The following NCOR1 variants were observed in gnomAD, a reference collection of about 807,000 sequenced individuals.
NCOR1 encodes the protein nuclear receptor corepressor 1, also known as protein phosphatase 1, regulatory subunit 109.
In NCOR1, 63 loss-of-function variants were observed where a neutral mutation model predicts 288.1. That is an observed-to-expected ratio of 0.22 (90% confidence interval 0.18 to 0.27). NCOR1 has a LOEUF of 0.27. NCOR1 is among the 10% of genes least tolerant of loss of function. The probability of loss-of-function intolerance (pLI) is 1.00; values close to 1 mark genes in which losing one functional copy is unlikely to be tolerated. For missense variants in NCOR1, 2,397 were observed against 3,019.2 expected, an observed-to-expected ratio of 0.79 and a Z score of 4.83; for synonymous variants, 1,007 against 1,065.9, an observed-to-expected ratio of 0.94 and a Z score of 1.08.
chr17:16,184,917 G>A (rs2086285211), intron 3 of NCOR1, among the ~76,000 whole-genome samples: 1 of 150,184 alleles, frequency 6.7e-6, no homozygotes, highest in East Asian at 2.0e-4. Flanking sequence ...TCCACAACAT[G>A]GATAAGCCTG....
intron 40 of NCOR1, among the ~76,000 whole-genome samples, chr17:16,050,044 C>T (rs1185442867): frequency 1.3e-5 from 2 of 152,072 alleles, no homozygotes; most frequent in Non-Finnish European, 2.9e-5. Context: ...GCATGCGTCA[C>T]CATGCCCAGC....
chr17:16,161,537 C>T (rs1010797284), intron 5 of NCOR1, among the ~76,000 whole-genome samples: 2 of 152,188 alleles, frequency 1.3e-5, no homozygotes, highest in African/African-American at 2.4e-5. Context: ...CTCAGGTGAT[C>T]TGGCCTGCCT....
intron 41 of NCOR1, among the ~76,000 whole-genome samples, chr17:16,048,459 G>A (rs2152469702): frequency 6.6e-6 from 1 of 152,156 alleles, no homozygotes; most frequent in African/African-American, 2.4e-5. Flanking sequence ...AATTAATAGG[G>A]TTGGGGTCAC....
chr17:16,083,709 G>A (rs2063766262), intron 23 of NCOR1, among the ~76,000 whole-genome samples: 2 of 152,146 alleles, frequency 1.3e-5, no homozygotes, highest in Non-Finnish European at 1.5e-5. Flanking sequence ...TGCTGAGCAG[G>A]TGAATCGTAA....
intron 22 of NCOR1, among the ~76,000 whole-genome samples, chr17:16,090,498 A>G (rs2065004357): frequency 6.6e-6 from 1 of 152,194 alleles, no homozygotes; most frequent in Non-Finnish European, 1.5e-5. Context: ...TCATTCATTT[A>G]TAATTCATTC....
intron 4 of NCOR1, among the ~76,000 whole-genome samples, chr17:16,165,742 T>C (rs1266986433): frequency 6.6e-6 from 1 of 152,202 alleles, no homozygotes; most frequent in East Asian, 1.9e-4. Flanking sequence ...TAACATTTCC[T>C]TAGCCAAAAA....
At chr17:16,183,489 C>A (rs2153515445) in intron 3 of NCOR1, among the ~76,000 whole-genome samples, 1 of 151,908 alleles carries the variant, frequency 6.6e-6, no homozygotes, top group Middle Eastern at 3.4e-3. Flanking sequence ...TGACAGAGTT[C>A]TAAAAGACAT....
intron 31 of NCOR1, among the ~76,000 whole-genome samples, chr17:16,069,273 C>T (rs182573961): frequency 5.3e-5 from 8 of 152,286 alleles, no homozygotes; most frequent in Admixed American, 3.9e-4. Flanking sequence ...GCCCTTCCCT[C>T]TGCAGGGCAA....
At chr17:16,080,775 TTTTCACAAGGTCAA>T (rs1416368336) in intron 23 of NCOR1, 48 bp from the exon 24 acceptor site, 1 of 1,552,672 alleles carries the variant, frequency 6.4e-7, no homozygotes, top group East Asian at 2.3e-5. Flanking sequence ...AACATTGTTT[TTTTCACAAGGTCAA>T]TTTCACAAAG....
chr17:16,183,789 C>T (rs2086035971), intron 3 of NCOR1, among the ~76,000 whole-genome samples: 1 of 151,998 alleles, frequency 6.6e-6, no homozygotes, highest in African/African-American at 2.4e-5. Flanking sequence ...AAAATCAATT[C>T]TGAAAAAGAA....
rs1468553451 is a variant in NCOR1, at chr17:16,030,442, G to T, written c.*1854C>A. On this transcript the variant is annotated 3_prime_UTR_variant, in exon 46 of 46. Coordinates refer to ENST00000268712, the MANE Select transcript of NCOR1 (RefSeq NM_006311.4). ...AAATACCATCATAATCTCTTTTATGGTAGGTTGGCAATATAAATTATTAAC... is the reference window on the plus strand; with the variant it reads ...AAATACCATCATAATCTCTTTTATGTTAGGTTGGCAATATAAATTATTAAC... 1 of 208,576 alleles carries T rather than the reference G, an allele frequency of 4.8e-6. No homozygotes were observed. Among genetic ancestry groups the T allele is most frequent in the Non-Finnish European group, 9.7e-6 (1 of 102,694 alleles). The allele number at this position is 208,576 out of a possible 1,614,324, so 12.9% of individuals were successfully genotyped here. A position where few individuals can be genotyped will look rare whatever the true frequency, so the allele number is the denominator to read the frequency against.
At chr17:16,132,587 C>G (rs1454832691) in intron 14 of NCOR1, among the ~76,000 whole-genome samples, 2 of 152,158 alleles carry the variant, frequency 1.3e-5, no homozygotes, top group Admixed American at 1.3e-4. Context: ...TAGTCTCTAT[C>G]AGAATTTGGA....
chr17:16,036,614 T>C (rs1281360293), intron 44 of NCOR1, among the ~76,000 whole-genome samples: 1 of 152,250 alleles, frequency 6.6e-6, no homozygotes, highest in African/African-American at 2.4e-5. Context: ...ATCAGCACTT[T>C]CTCCCTCACC....
intron 3 of NCOR1, among the ~76,000 whole-genome samples, chr17:16,183,167 T>C (rs897656288): frequency 3.7e-5 from 5 of 136,304 alleles, no homozygotes; most frequent in African/African-American, 1.4e-4. Flanking sequence ...CTATGTTGAT[T>C]AGAAGCAGTG....
At chr17:16,063,965 G>T in intron 35 of NCOR1, 103 bp downstream of exon 35, 1 of 1,411,622 alleles carries the variant, frequency 7.1e-7, no homozygotes, top group Non-Finnish European at 9.4e-7. Flanking sequence ...CGTTGTCTTA[G>T]AATTTTTGTT....
At position 16,151,210 on chromosome 17, in the gene NCOR1, T is replaced by TAAA. The variant is rs201299273; in HGVS notation, c.842+733_842+735dup. On this transcript the variant is annotated intron_variant, in intron 8 of 45. Coordinates refer to ENST00000268712, the MANE Select transcript of NCOR1 (RefSeq NM_006311.4). ...TTCTCTTAAAGTATAATTTTTTTTT[T>TAAA]AAAAAAAAGATATCTATCTAGCTTC... Among the ~76,000 whole-genome samples the TAAA allele has an allele frequency of 6.7e-3, 1,009 of 150,662 alleles. 10 individuals are homozygous for TAAA. Among genetic ancestry groups the TAAA allele is most frequent in the Middle Eastern group, 0.017 (5 of 294 alleles).
chr17:16,120,565 G>A (rs1598910674), intron 16 of NCOR1, among the ~76,000 whole-genome samples: 1 of 152,030 alleles, frequency 6.6e-6, no homozygotes, highest in African/African-American at 2.4e-5. Flanking sequence ...TACTTAATGA[G>A]AGAGAGAAAG....
chr17:16,152,520 A>G (rs914051660), intron 7 of NCOR1, among the ~76,000 whole-genome samples: 4 of 152,142 alleles, frequency 2.6e-5, no homozygotes, highest in African/African-American at 4.8e-5. Flanking sequence ...TCCATGGTGT[A>G]TATGTGCCAC....
chr17:16,159,175 A>G (rs145767376), intron 5 of NCOR1, among the ~76,000 whole-genome samples: 4 of 152,048 alleles, frequency 2.6e-5, no homozygotes, highest in African/African-American at 9.7e-5. Flanking sequence ...GCACTTTGGG[A>G]GGCCTAGGCA....
Sources: allele counts gnomAD v4.1 joint callset (sites outside exome capture counted in the v4.1 genomes callset), GRCh38; gene constraint gnomAD v4.1.1; transcripts MANE v1.5; gene names NCBI Gene and HGNC (gene_info 2026-07-23, HGNC 2026-07-21).